Variants in CACNA1C observed in about 807,000 individuals in gnomAD.
CACNA1C encodes the protein calcium voltage-gated channel subunit alpha1 C.
In CACNA1C, 30 loss-of-function variants were observed where a neutral mutation model predicts 229.0. The ratio of observed to expected loss-of-function variants is 0.13; its 90% CI spans 0.10 to 0.18. CACNA1C has a LOEUF of 0.18. Ranked by LOEUF, CACNA1C falls within the 10% of genes least tolerant of loss-of-function variation. The pLI is 1.00. For missense variants in CACNA1C, 1,658 were observed against 2,845.0 expected (o/e 0.58, Z 9.49); for synonymous variants, 1,114 against 1,132.5 (o/e 0.98, Z 0.33).
chr12:2,604,577 G>C (rs189021390), intron 22 of CACNA1C, among the ~76,000 whole-genome samples: 4 of 152,146 alleles, frequency 2.6e-5, no homozygotes, highest in African/African-American at 9.7e-5. Flanking sequence ...TACCATTCAG[G>C]CAGTTTCTCA....
In CACNA1C at chr12:2,575,369, C is replaced by T. The variant is rs1171739353; in HGVS notation, c.1896-6221C>T. Among the ~76,000 whole-genome samples, 4 of 152,172 alleles carry T rather than the reference C, an allele frequency of 2.6e-5. No individual in the cohort carries two copies. Among genetic ancestry groups the T allele is most frequent in the Non-Finnish European group, 5.9e-5 (4 of 68,034 alleles). On this transcript the variant is annotated intron_variant, in intron 13 of 46. Transcript: ENST00000399655. This position sits in a 1 kb window ranked among gnomAD's most constrained non-coding sequence, Gnocchi z 4.0. ...TCCTCCTGGCCCAGCCCAGCATATA[C>T]GGTTCTGCCTCTGGGCATCCTAATC... is the stretch of plus-strand genomic sequence containing the variant.
chr12:2,635,644 C>T (rs960987810), intron 30 of CACNA1C, among the ~76,000 whole-genome samples: 1 of 152,128 alleles, frequency 6.6e-6, no homozygotes, highest in South Asian at 2.1e-4. Context: ...CTGTCTGCTC[C>T]TCTTTTAGCA....
chr12:2,257,005 CAG>C (rs2078166988), intron 3 of CACNA1C, among the ~76,000 whole-genome samples: 1 of 152,158 alleles, frequency 6.6e-6, no homozygotes, highest in South Asian at 2.1e-4. Flanking sequence ...CTCAACACAA[CAG>C]AATGTAAACC....
intron 3 of CACNA1C, among the ~76,000 whole-genome samples, chr12:2,159,076 C>T (rs2095697973): frequency 6.6e-6 from 1 of 151,666 alleles, no homozygotes; most frequent in African/African-American, 2.4e-5. Flanking sequence ...AATGGAATAC[C>T]AAAAGAAACA....
At chr12:2,117,441 C>T (rs1159470864) in intron 2 of CACNA1C, among the ~76,000 whole-genome samples, 2 of 152,204 alleles carry the variant, frequency 1.3e-5, no homozygotes, top group African/African-American at 4.8e-5. Flanking sequence ...GGACTGCTTG[C>T]ATATCTGCTC....
chr12:2,546,252 T>C (rs199999658), intron 9 of CACNA1C, among the ~76,000 whole-genome samples: 158 of 106,272 alleles, frequency 1.5e-3, no homozygotes, highest in African/African-American at 5.0e-3. Flanking sequence ...GGTGTCTTCA[T>C]ACTATTCTGT....
At chr12:2,636,439 A>AT (rs1280363286) in intron 30 of CACNA1C, among the ~76,000 whole-genome samples, 1 of 152,206 alleles carries the variant, frequency 6.6e-6, no homozygotes. Context: ...TCTGTTGGGG[A>AT]TAGGGAGGGG....
intron 10 of CACNA1C, chr12:2,550,468 A>G (rs2099896911): frequency 8.3e-7 from 1 of 1,199,254 alleles, no homozygotes; most frequent in Admixed American, 2.3e-5. Flanking sequence ...CCTGGGAGAG[A>G]AGCAGCCAGG....
intron 1 of CACNA1C, among the ~76,000 whole-genome samples, chr12:2,084,016 T>A (rs941873489): frequency 6.6e-6 from 1 of 152,242 alleles, no homozygotes; most frequent in Non-Finnish European, 1.5e-5. Flanking sequence ...ATTCTATATA[T>A]ATAAAGGATT....
At chr12:2,318,157 C>A (rs2095793195) in intron 3 of CACNA1C, among the ~76,000 whole-genome samples, 1 of 152,198 alleles carries the variant, frequency 6.6e-6, no homozygotes, top group African/African-American at 2.4e-5. Flanking sequence ...ACCTAGTTGA[C>A]CTTCCCCTCT....
At chr12:2,471,721 C>T (rs1232945739) in intron 5 of CACNA1C, among the ~76,000 whole-genome samples, 2 of 152,020 alleles carry the variant, frequency 1.3e-5, no homozygotes, top group South Asian at 2.1e-4. Flanking sequence ...CTCGCTCTGT[C>T]GCCCAGACTG....
intron 8 of CACNA1C, among the ~76,000 whole-genome samples, chr12:2,509,755 T>C (rs928296780): frequency 2.6e-5 from 4 of 151,754 alleles, no homozygotes; most frequent in Non-Finnish European, 4.4e-5. Context: ...AAGTGGACGG[T>C]GAAAAGGACA....
chr12:2,172,075 A>G (rs768564649), intron 3 of CACNA1C, among the ~76,000 whole-genome samples: 17 of 152,130 alleles, frequency 1.1e-4, no homozygotes, highest in Non-Finnish European at 1.8e-4. Flanking sequence ...ATAAACTCCT[A>G]TTGTGCCTAG....
chr12:2,306,031 C>T (rs1477476373), intron 3 of CACNA1C, among the ~76,000 whole-genome samples: 2 of 152,342 alleles, frequency 1.3e-5, no homozygotes, highest in South Asian at 2.1e-4. Context: ...AGGTAAGGAA[C>T]TTGCCAGAAG....
At chr12:2,306,008 C>T (rs1053865268) in intron 3 of CACNA1C, among the ~76,000 whole-genome samples, 2 of 152,166 alleles carry the variant, frequency 1.3e-5, no homozygotes, top group East Asian at 3.9e-4. Context: ...GTTGAAGAAA[C>T]GAAGGCACCA....
chr12:2,286,485 G>A (rs1022093932), intron 3 of CACNA1C, among the ~76,000 whole-genome samples: 6 of 152,226 alleles, frequency 3.9e-5, no homozygotes, highest in African/African-American at 1.4e-4. Context: ...GTGGGAAGAT[G>A]TCACAGGTAA....
At chr12:2,399,968 G>A (rs984376939) in intron 3 of CACNA1C, among the ~76,000 whole-genome samples, 4 of 152,216 alleles carry the variant, frequency 2.6e-5, no homozygotes, top group Non-Finnish European at 5.9e-5. Flanking sequence ...CCCCTTGCAA[G>A]GTTTTTAGGA....
At chr12:2,317,232 C>T (rs1407612503) in intron 3 of CACNA1C, among the ~76,000 whole-genome samples, 1 of 152,196 alleles carries the variant, frequency 6.6e-6, no homozygotes, top group Non-Finnish European at 1.5e-5. Context: ...TAGCATCACT[C>T]ACAAAAGCCA....
chr12:2,298,763 G>A (rs1490744821), intron 3 of CACNA1C, among the ~76,000 whole-genome samples: 2 of 152,234 alleles, frequency 1.3e-5, no homozygotes, highest in African/African-American at 4.8e-5. Flanking sequence ...TGCTGCTAGT[G>A]CTTTTTGTGG....
Sources: gnomAD v4.1 joint callset for allele counts (sites outside exome capture counted in the v4.1 genomes callset) on GRCh38, gnomAD v4.1.1 for gene constraint, Gnocchi (gnomAD v3.1) non-coding constraint, MANE v1.5 for transcripts, NCBI Gene and HGNC (gene_info 2026-07-23, HGNC 2026-07-21) for gene names.